KCNJ14: variants seen among roughly 807,000 people sequenced by gnomAD.
The protein encoded by KCNJ14 is ATP-sensitive inward rectifier potassium channel 14.
In KCNJ14, 18 loss-of-function variants were observed where a neutral mutation model predicts 24.5. That is an observed-to-expected ratio of 0.74 (90% CI 0.51 to 1.09). The LOEUF is 1.09. Ranked by LOEUF, KCNJ14 falls within the 50% of genes least tolerant of loss-of-function variation. The probability of loss-of-function intolerance (pLI) is 0.00; values close to 1 mark genes in which losing one functional copy is unlikely to be tolerated. For synonymous variants in KCNJ14, 288 were observed against 270.8 expected, an observed-to-expected ratio of 1.06 and a Z score of -0.63; for missense variants, 633 against 623.0, an observed-to-expected ratio of 1.02 and a Z score of -0.17.
Position 48,464,866 on chromosome 19 carries a change from G to T in KCNJ14, c.*89G>T. 2.0e-6 allele frequency: 2 copies of T among 988,656 alleles called. No homozygotes were observed. Among genetic ancestry groups the T allele is most frequent in the South Asian group, 1.5e-5 (1 of 68,924 alleles). The allele number at this position is 988,656 out of a possible 1,614,324, so 61.2% of individuals were successfully genotyped here. ...GGGCTCTCTCCTGGGATGGGGGCAGGTGTTCCTGAATACCGACAGGCCTGC... is the reference window on the plus strand; with the variant it reads ...GGGCTCTCTCCTGGGATGGGGGCAGTTGTTCCTGAATACCGACAGGCCTGC... On this transcript the variant is annotated 3_prime_UTR_variant, in exon 3 of 3. Transcript: ENST00000342291.
rs28648758 is a variant in KCNJ14 at position 48,465,055 on chromosome 19, A to G, written c.*278A>G. ...GATCACCCAAGAGGAAAAGACTGGC[A>G]GTTCTAGATTCCTCTATATGGGGAG... On this transcript the variant is annotated 3_prime_UTR_variant, in exon 3 of 3. Coordinates refer to ENST00000342291, the MANE Select transcript of KCNJ14 (RefSeq NM_013348.4). The G allele has an allele frequency of 0.033, 14,884 of 454,402 alleles. 706 individuals are homozygous for G. Among genetic ancestry groups the G allele is most frequent in the African/African-American group, 0.15 (7,616 of 51,554 alleles). 28.1% of individuals were successfully genotyped at this position (454,402 alleles called of 1,614,324 possible).
In KCNJ14 at chr19:48,464,624, T is replaced by G. The variant is rs1971637821; in HGVS notation, c.1158T>G (p.Thr386=). 6.2e-7 allele frequency: 1 copy of G among 1,614,166 alleles called. No homozygotes were observed. Among genetic ancestry groups the G allele is most frequent in the Non-Finnish European group, 8.5e-7 (1 of 1,180,038 alleles). ...SLKSSFPGSL[T]AFCYENELAL... ...AGTCTAGTTTCCCCGGCTCTCTGAC[T>G]GCATTTTGTTATGAGAATGAACTTG... The change falls in exon 3 of 3, where the codon ACT becomes ACG. Residue 386 remains threonine, a synonymous_variant. Transcript: ENST00000342291.
intron 2 of KCNJ14, among the ~76,000 whole-genome samples, chr19:48,463,245 G>T (rs1318247619): frequency 6.6e-6 from 1 of 152,112 alleles, no homozygotes; most frequent in East Asian, 1.9e-4. Context: ...GTGACTTTAG[G>T]ACTCTGGGCT....
chr19:48,461,866 C>T lies in KCNJ14; in HGVS notation c.142C>T (p.Arg48Cys). The change falls in exon 2 of 3, where the codon CGC becomes TGC. Residue 48 changes from arginine to cysteine, a missense_variant. Coordinates refer to ENST00000342291, the MANE Select transcript of KCNJ14 (RefSeq NM_013348.4). ...ACCGGTGCAGTCACCCGTGGGCCGGCGCCGCGGTCGCTTCGTCAAGAAAGA... is the reference window on the plus strand; with the variant it reads ...ACCGGTGCAGTCACCCGTGGGCCGGTGCCGCGGTCGCTTCGTCAAGAAAGA... ...PAPVQSPVGRRRGRFVKKDGH... is the reference protein window; with the variant it reads ...PAPVQSPVGRCRGRFVKKDGH... The T allele has an allele frequency of 1.3e-6, 2 of 1,569,898 alleles. No individual in the cohort carries two copies. The highest frequency in any genetic ancestry group is 8.6e-7 in the Non-Finnish European group (1 of 1,157,580).
chr19:48,458,109 C>T (rs1316699387), intron 1 of KCNJ14, among the ~76,000 whole-genome samples: 1 of 152,156 alleles, frequency 6.6e-6, no homozygotes, highest in Admixed American at 6.5e-5. Flanking sequence ...TTGGTTGATA[C>T]TTGGGTTTCC....
In KCNJ14 at chr19:48,464,403, AC is replaced by A. The variant is rs1971634012; in HGVS notation, c.939del (p.Thr314HisfsTer72). On this transcript the variant is annotated frameshift_variant, in exon 3 of 3. Transcript: ENST00000342291. LOFTEE classifies it high-confidence loss of function. ...LEGMVEATAM[T>X]TQCRSSYLPG... ...GGGGATGGTTGAGGCCACAGCCATG[AC>A]CACACAGTGTCGCTCGTCCTACCTC... The A allele has an allele frequency of 1.9e-6, 3 of 1,613,430 alleles. No individual in the cohort carries two copies. Among genetic ancestry groups the A allele is most frequent in the Non-Finnish European group, 2.5e-6 (3 of 1,179,824 alleles).
At position 48,465,327 on chromosome 19, in the gene KCNJ14, A is replaced by G. The variant is rs1384121667; in HGVS notation, c.*550A>G. The G allele has an allele frequency of 6.5e-6, 1 of 153,234 alleles. No homozygotes were observed. Among genetic ancestry groups the G allele is most frequent in the Non-Finnish European group, 1.5e-5 (1 of 68,846 alleles). The allele number at this position is 153,234 out of a possible 1,614,324, so 9.5% of individuals were successfully genotyped here. ...CATCTTGATTGACCAAAGACCAAAA[A>G]AAAAAAAAAGACCTGTGGTTCCAGA... On this transcript the variant is annotated 3_prime_UTR_variant, in exon 3 of 3. Coordinates refer to ENST00000342291, the MANE Select transcript of KCNJ14 (RefSeq NM_013348.4).
chr19:48,462,914 G>A lies in KCNJ14; in HGVS notation c.714+476G>A, dbSNP rs1971617083. Among the ~76,000 whole-genome samples, 1 of 152,198 alleles carries A rather than the reference G, an allele frequency of 6.6e-6. No homozygotes were observed. The highest frequency in any genetic ancestry group is 2.4e-5 in the African/African-American group (1 of 41,452). On this transcript the variant is annotated intron_variant, in intron 2 of 2. Coordinates refer to ENST00000342291, the MANE Select transcript of KCNJ14 (RefSeq NM_013348.4). This position sits in a 1 kb window ranked among gnomAD's most constrained non-coding sequence, Gnocchi z 4.9. ...GAGGCCTGTGACTTGAGGCCCCCGG[G>A]AGAAGCAGGCCCTGGAATGGGTGCA...
In KCNJ14 at chr19:48,466,052, G is replaced by A. The variant is rs2147497049; in HGVS notation, c.*1275G>A. 1 of 152,334 alleles carries A rather than the reference G, an allele frequency of 6.6e-6. No homozygotes were observed. Among genetic ancestry groups the A allele is most frequent in the South Asian group, 2.1e-4 (1 of 4,804 alleles). 9.4% of individuals were successfully genotyped at this position (152,334 alleles called of 1,614,324 possible). ...AGAATGCTCTGGAACCCTACACCTA[G>A]TGATGTGTGTCTATTTCTTTTTCTT... On this transcript the variant is annotated 3_prime_UTR_variant, in exon 3 of 3. Coordinates refer to ENST00000342291, the MANE Select transcript of KCNJ14 (RefSeq NM_013348.4).
At position 48,461,802 on chromosome 19, in the gene KCNJ14, G is replaced by A. The variant is rs568668225; in HGVS notation, c.78G>A (p.Glu26=). ...SGDSRAGDEE[E]AGPGLCRNGW... is the part of the protein sequence containing the mutation. ...ACAGCCGGGCGGGCGATGAAGAGGA[G>A]GCCGGGCCCGGGTTGTGCCGCAACG... The change falls in exon 2 of 3, where the codon GAG becomes GAA. Residue 26 remains glutamate (E), a synonymous_variant. Coordinates refer to ENST00000342291, the MANE Select transcript of KCNJ14 (RefSeq NM_013348.4). 1.7e-4 allele frequency: 244 copies of A among 1,477,376 alleles called. No individual in the cohort carries two copies. In the South Asian group the frequency reaches 3.1e-3, roughly 19 times the overall value. 91.5% of individuals were successfully genotyped at this position (1,477,376 alleles called of 1,614,324 possible).
Position 48,462,581 on chromosome 19 carries a change from G to T in KCNJ14, c.714+143G>T. On this transcript the variant is annotated intron_variant, in intron 2 of 2. Transcript: ENST00000342291. This position sits in a 1 kb window ranked among gnomAD's most constrained non-coding sequence, Gnocchi z 4.9. ...CCTCTTGGGCCTGGGGCCTGCGAAT[G>T]GGTCACTGGGCAGCTGGGGATGTAA... 1.6e-6 allele frequency: 1 copy of T among 617,144 alleles called. No homozygotes were observed. Among genetic ancestry groups the T allele is most frequent in the Non-Finnish European group, 2.7e-6 (1 of 366,902 alleles). The allele number at this position is 617,144 out of a possible 1,614,324, so 38.2% of individuals were successfully genotyped here. A position where few individuals can be genotyped will look rare whatever the true frequency, so the allele number is the denominator to read the frequency against.
chr19:48,456,949 C>G (rs1174387229), intron 1 of KCNJ14: 1 of 151,540 alleles, frequency 6.6e-6, no homozygotes, highest in Non-Finnish European at 1.5e-5. Context: ...GTTGGACTCC[C>G]AAAGTGCTAG....
In KCNJ14 at chr19:48,462,478, G is replaced by T. The variant is rs1971613127; in HGVS notation, c.714+40G>T. 2.2e-6 allele frequency: 3 copies of T among 1,394,144 alleles called. No homozygotes were observed. The Admixed American group carries it at 8.2e-5, about 38-fold the overall frequency. The allele number at this position is 1,394,144 out of a possible 1,614,324, so 86.4% of individuals were successfully genotyped here. On this transcript the variant is annotated intron_variant, in intron 2 of 2. Transcript: ENST00000342291. The surrounding 1 kb of genome is among the most constrained non-coding windows in gnomAD (Gnocchi z 4.9). ...AGAGGCGGGGACTTCCGTGAGCCCT[G>T]GGGGATTGTGGGAGATGTAGGCCCG...
In KCNJ14 at chr19:48,460,680, T is replaced by C. The variant is rs139605870; in HGVS notation, c.-55-990T>C. On this transcript the variant is annotated intron_variant, in intron 1 of 2. Coordinates refer to ENST00000342291, the MANE Select transcript of KCNJ14 (RefSeq NM_013348.4). ...TAAAGTACTTACAACAACCTCCAAA[T>C]TGTATAAACAGTATAATTGATAGAA... Among the ~76,000 whole-genome samples the C allele has an allele frequency of 2.3e-3, 345 of 152,330 alleles. 3 individuals carry two copies. Among genetic ancestry groups the C allele is most frequent in the African/African-American group, 7.9e-3 (329 of 41,574 alleles).
Position 48,462,083 on chromosome 19 carries a change from C to G in KCNJ14, c.359C>G (p.Ala120Gly), listed in dbSNP as rs777904404. The change falls in exon 2 of 3, where the codon GCC (alanine) becomes GGC (glycine). Residue 120 changes from alanine to glycine, a missense_variant. Transcript: ENST00000342291. The surrounding 1 kb of genome is among the most constrained non-coding windows in gnomAD (Gnocchi z 4.9). ...GCCTCGCTGCACGGCGACCTGGCCG[C>G]CCCGCCACCGCCCGCGCCCTGCTTC... ...LIASLHGDLA[A>G]PPPPAPCFSH... 4.4e-6 allele frequency: 7 copies of G among 1,605,358 alleles called. No homozygotes were observed. The African/African-American group carries it at 5.3e-5, about 12-fold the overall frequency.
chr19:48,464,925 G>A lies in KCNJ14; in HGVS notation c.*148G>A. ...TGACTAGGTGGTAAGGTTCTGCCAT[G>A]CCTGGTGACCCACCATGGACATACT... is the stretch of plus-strand genomic sequence containing the variant. On this transcript the variant is annotated 3_prime_UTR_variant, in exon 3 of 3. Coordinates refer to ENST00000342291, the MANE Select transcript of KCNJ14 (RefSeq NM_013348.4). 1.5e-6 allele frequency: 1 copy of A among 656,608 alleles called. No individual in the cohort carries two copies. 40.7% of individuals were successfully genotyped at this position (656,608 alleles called of 1,614,324 possible). A position where few individuals can be genotyped will look rare whatever the true frequency, so the allele number is the denominator to read the frequency against.
rs2147493421 is a variant in KCNJ14, at chr19:48,461,704, T to G, written c.-21T>G. ...GGCGCCTGCCCCCCACTAGGCCAAG[T>G]GGAGGGGGTCCCTCCGTCCAATGGG... On this transcript the variant is annotated 5_prime_UTR_variant, in exon 2 of 3. Transcript: ENST00000342291. The G allele has an allele frequency of 6.5e-6, 9 of 1,382,966 alleles. No individual in the cohort carries two copies. Among genetic ancestry groups the G allele is most frequent in the Non-Finnish European group, 8.4e-6 (9 of 1,072,150 alleles). The allele number at this position is 1,382,966 out of a possible 1,614,324, so 85.7% of individuals were successfully genotyped here. A position where few individuals can be genotyped will look rare whatever the true frequency, so the allele number is the denominator to read the frequency against.
intron 1 of KCNJ14, chr19:48,456,903 G>A (rs1971545323): frequency 6.6e-6 from 1 of 151,606 alleles, no homozygotes; most frequent in African/African-American, 2.4e-5. Context: ...TCCCCAGGCT[G>A]GTTCTCAAAC....
At position 48,461,834 on chromosome 19, in the gene KCNJ14, CGCCGGCACCGGTGCAGTCACCCGTGG is replaced by C. The variant is rs1569083525; in HGVS notation, c.117_142del (p.Val41ArgfsTer197). On this transcript the variant is annotated frameshift_variant, in exon 2 of 3. Coordinates refer to ENST00000342291, the MANE Select transcript of KCNJ14 (RefSeq NM_013348.4). LOFTEE classifies it high-confidence loss of function. ...CCCGGGTTGTGCCGCAACGGGTGGG[CGCCGGCACCGGTGCAGTCACCCGTGG>C]GCCGGCGCCGCGGTCGCTTCGTCAA... The C allele has an allele frequency of 3.3e-6, 5 of 1,509,260 alleles. No homozygotes were observed. The Middle Eastern group carries it at 5.6e-4, about 169-fold the overall frequency. 93.5% of individuals were successfully genotyped at this position (1,509,260 alleles called of 1,614,324 possible). A position where few individuals can be genotyped will look rare whatever the true frequency, so the allele number is the denominator to read the frequency against.
Sources: allele counts gnomAD v4.1 joint callset (sites outside exome capture counted in the v4.1 genomes callset), GRCh38; gene constraint gnomAD v4.1.1; non-coding constraint Gnocchi (gnomAD v3.1); transcripts MANE v1.5; gene names NCBI Gene and HGNC (gene_info 2026-07-23, HGNC 2026-07-21).